Variants in NSMCE2 observed in about 807,000 individuals in gnomAD.
The protein encoded by NSMCE2 is E3 SUMO-protein ligase NSE2.
A neutral mutation model predicts 23.8 loss-of-function variants in NSMCE2; 24 were observed. That is an observed-to-expected ratio of 1.01 (90% CI 0.73 to 1.42). NSMCE2 has a LOEUF of 1.42. NSMCE2 is among the 40% of genes most tolerant of loss of function. The pLI is 0.00. For synonymous variants in NSMCE2, 92 were observed against 94.1 expected, an observed-to-expected ratio of 0.98 and a Z score of 0.13; for missense variants, 284 against 296.5, an observed-to-expected ratio of 0.96 and a Z score of 0.31.
intron 4 of NSMCE2, among the ~76,000 whole-genome samples, chr8:125,178,738 C>T (rs1563700324): frequency 2.7e-5 from 4 of 148,214 alleles, no homozygotes; most frequent in East Asian, 1.9e-4. Context: ...GGCATGGTGA[C>T]GGGCACCTGT....
intron 3 of NSMCE2, among the ~76,000 whole-genome samples, chr8:125,147,146 C>G (rs893577792): frequency 2.0e-5 from 3 of 152,144 alleles, no homozygotes; most frequent in Non-Finnish European, 4.4e-5. Flanking sequence ...ATTTGAACAT[C>G]GTTGTGTGAT....
intron 4 of NSMCE2, among the ~76,000 whole-genome samples, chr8:125,151,822 A>G (rs992311333): frequency 6.6e-6 from 1 of 152,210 alleles, no homozygotes; most frequent in African/African-American, 2.4e-5. Flanking sequence ...GTGGGAACAT[A>G]GCAACATCCT....
Position 125,321,699 on chromosome 8 carries a change from C to T in NSMCE2, c.419-35520C>T, listed in dbSNP as rs866817400. Among the ~76,000 whole-genome samples the T allele has an allele frequency of 1.1e-4, 16 of 152,096 alleles. 1 individual carries two copies. The South Asian group carries it at 1.2e-3, about 12-fold the overall frequency. ...AAAAAAGATAATACATTATGACCAA[C>T]GGGGGGTTATTCCAGGAATGCAAGA... is the stretch of plus-strand genomic sequence containing the variant. On this transcript the variant is annotated intron_variant, in intron 5 of 7. Coordinates refer to ENST00000287437, the MANE Select transcript of NSMCE2 (RefSeq NM_173685.4).
At chr8:125,295,091 T>G (rs1358290922) in intron 5 of NSMCE2, among the ~76,000 whole-genome samples, 1 of 152,170 alleles carries the variant, frequency 6.6e-6, no homozygotes, top group African/African-American at 2.4e-5. Flanking sequence ...TGACATAGGG[T>G]TTTGGCTGCA....
At chr8:125,179,882 CA>C (rs1822713910) in intron 4 of NSMCE2, among the ~76,000 whole-genome samples, 1 of 152,204 alleles carries the variant, frequency 6.6e-6, no homozygotes, top group South Asian at 2.1e-4. Context: ...TGGAAAACAA[CA>C]TTCAGATTTT....
chr8:125,261,737 T>C (rs1046227640), intron 5 of NSMCE2, among the ~76,000 whole-genome samples: 1 of 149,142 alleles, frequency 6.7e-6, no homozygotes, highest in African/African-American at 2.5e-5. Context: ...GCTAATCATG[T>C]AAAGAAGTAA....
intron 5 of NSMCE2, among the ~76,000 whole-genome samples, chr8:125,230,816 C>A (rs867248774): frequency 6.6e-6 from 1 of 152,108 alleles, no homozygotes; most frequent in East Asian, 1.9e-4. Flanking sequence ...AAAGAAAAAT[C>A]ATCTTCAAGA....
chr8:125,229,775 TTA>T (rs754796034), intron 5 of NSMCE2, among the ~76,000 whole-genome samples: 2 of 152,282 alleles, frequency 1.3e-5, no homozygotes, highest in East Asian at 1.9e-4. Flanking sequence ...GTTGATTGTT[TTA>T]GTGTTTTATT....
chr8:125,305,731 G>A (rs115031457), intron 5 of NSMCE2, among the ~76,000 whole-genome samples: 2,378 of 152,262 alleles, frequency 0.016, 52 homozygotes, highest in African/African-American at 0.054. Flanking sequence ...GTTTAGAAAC[G>A]CTCATATACC....
chr8:125,129,098 A>C (rs915566150), intron 3 of NSMCE2, among the ~76,000 whole-genome samples: 38 of 152,222 alleles, frequency 2.5e-4, no homozygotes, highest in Non-Finnish European at 4.1e-4. Context: ...GCTTGGGATA[A>C]AGATATAGAT....
At chr8:125,357,007 T>G (rs1813309347) in intron 5 of NSMCE2, among the ~76,000 whole-genome samples, 2 of 152,234 alleles carry the variant, frequency 1.3e-5, no homozygotes, top group South Asian at 4.1e-4. Flanking sequence ...TCTTTTTAAC[T>G]GCTCTGAGCC....
intron 5 of NSMCE2, among the ~76,000 whole-genome samples, chr8:125,289,232 C>A (rs1228749043): frequency 6.6e-6 from 1 of 152,192 alleles, no homozygotes; most frequent in Admixed American, 6.5e-5. Context: ...GCATTGGAAA[C>A]GGGAACTTTG....
intron 5 of NSMCE2, among the ~76,000 whole-genome samples, chr8:125,354,089 G>A (rs552598532): frequency 4.0e-5 from 6 of 151,148 alleles, no homozygotes; most frequent in East Asian, 2.0e-4. Flanking sequence ...CCACCACCAC[G>A]CCCAGCTAAT....
intron 3 of NSMCE2, among the ~76,000 whole-genome samples, chr8:125,114,631 C>T (rs183326513): frequency 6.6e-6 from 1 of 152,110 alleles, no homozygotes; most frequent in Non-Finnish European, 1.5e-5. Flanking sequence ...GCATGTGTGC[C>T]CTGGCCTCTA....
At chr8:125,191,695 G>T (rs186628474) in intron 5 of NSMCE2, among the ~76,000 whole-genome samples, 1 of 152,306 alleles carries the variant, frequency 6.6e-6, no homozygotes, top group East Asian at 1.9e-4. Context: ...GTGTGTTATG[G>T]CAGAGAGGAG....
chr8:125,352,607 C>A (rs2131355397), intron 5 of NSMCE2, among the ~76,000 whole-genome samples: 1 of 152,178 alleles, frequency 6.6e-6, no homozygotes, highest in South Asian at 2.1e-4. Flanking sequence ...TCACTTTGGA[C>A]AAAACCTACA....
At chr8:125,296,074 T>C (rs1017116367) in intron 5 of NSMCE2, among the ~76,000 whole-genome samples, 1 of 152,166 alleles carries the variant, frequency 6.6e-6, no homozygotes, top group Non-Finnish European at 1.5e-5. Context: ...AAAAAATAGC[T>C]AGCACTTATT....
rs532191539 is a variant in NSMCE2, at chr8:125,177,405, C to T, written c.265-4698C>T. ...CAAATAAACAAGTATCTTTAGCACT[C>T]TCATTCCCATGATCTGCTTCTCATC... is the stretch of plus-strand genomic sequence containing the variant. On this transcript the variant is annotated intron_variant, in intron 4 of 7. Transcript: ENST00000287437. Among the ~76,000 whole-genome samples the T allele has an allele frequency of 2.0e-5, 3 of 152,328 alleles. No homozygotes were observed. In the South Asian group the frequency reaches 6.2e-4, roughly 32 times the overall value.
chr8:125,354,965 A>T (rs936654940), intron 5 of NSMCE2, among the ~76,000 whole-genome samples: 1 of 152,242 alleles, frequency 6.6e-6, no homozygotes, highest in African/African-American at 2.4e-5. Context: ...CATGAGTGTT[A>T]AAAATGCTGC....
Sources: gnomAD v4.1 joint callset for allele counts (sites outside exome capture counted in the v4.1 genomes callset) on GRCh38, gnomAD v4.1.1 for gene constraint, MANE v1.5 for transcripts, NCBI Gene and HGNC (gene_info 2026-07-23, HGNC 2026-07-21) for gene names.